PIWIL3: variants seen among roughly 807,000 people sequenced by gnomAD.
The protein encoded by PIWIL3 is piwi like RNA-mediated gene silencing 3.
Under a neutral mutation model 109.7 loss-of-function variants are expected in PIWIL3, and 101 were observed. The ratio of observed to expected loss-of-function variants is 0.92; its 90% confidence interval spans 0.78 to 1.09. The LOEUF (loss-of-function observed/expected upper bound fraction) is 1.09, where lower values mean the gene tolerates loss of function less well. Among genes scored for constraint, PIWIL3 ranks in the 50% least tolerant of loss-of-function variants. PIWIL3 has a pLI of 0.00. For missense variants in PIWIL3, 1,031 were observed against 1,072.6 expected (o/e 0.96, Z 0.54); for synonymous variants, 373 against 376.4 (o/e 0.99, Z 0.10).
At chr22:24,759,626 A>T (rs1183905585) in intron 3 of PIWIL3, among the ~76,000 whole-genome samples, 1 of 152,226 alleles carries the variant, frequency 6.6e-6, no homozygotes, top group Non-Finnish European at 1.5e-5. Context: ...TTTGAAAAGC[A>T]ATTATGTTGA....
At chr22:24,746,307 TGAA>T (rs1013911299) in intron 12 of PIWIL3, among the ~76,000 whole-genome samples, 49 of 152,334 alleles carry the variant, frequency 3.2e-4, no homozygotes, top group African/African-American at 9.4e-4. Context: ...ATCCACAGAA[TGAA>T]GGACAAACTC....
intron 5 of PIWIL3, 55 bp from the exon 6 acceptor site, chr22:24,755,960 A>C (rs1925008459): frequency 6.4e-7 from 1 of 1,565,254 alleles, no homozygotes; most frequent in Non-Finnish European, 8.7e-7. Flanking sequence ...AAAAAACTAA[A>C]CTTCATTGCA....
chr22:24,720,035 CCTAA>C, intron 19 of PIWIL3, 140 bp from the exon 20 acceptor site: 5 of 727,292 alleles, frequency 6.9e-6, no homozygotes, highest in Non-Finnish European at 1.1e-5. Flanking sequence ...CATTTAGAAA[CCTAA>C]CTGATAAACA....
intron 1 of PIWIL3, among the ~76,000 whole-genome samples, chr22:24,772,327 A>G (rs536443281): frequency 6.6e-6 from 1 of 152,362 alleles, no homozygotes; most frequent in Admixed American, 6.5e-5. Context: ...AGCTCATTAA[A>G]TAGCAACTTC....
intron 12 of PIWIL3, 109 bp downstream of exon 12, chr22:24,748,798 C>T: frequency 1.3e-6 from 1 of 794,814 alleles, no homozygotes; most frequent in Middle Eastern, 2.4e-4. Context: ...AATGAGCAGT[C>T]TGAAAAAAGA....
At chr22:24,769,864 A>G (rs1392750181) in intron 1 of PIWIL3, 1 of 152,118 alleles carries the variant, frequency 6.6e-6, no homozygotes, top group Non-Finnish European at 1.5e-5. Context: ...AAAAGAAAAA[A>G]AAATCCCCAA....
At chr22:24,734,263 T>C (rs1430959459) in intron 13 of PIWIL3, 107 bp from the exon 14 acceptor site, 2 of 1,439,546 alleles carry the variant, frequency 1.4e-6, no homozygotes, top group Non-Finnish European at 1.8e-6. Flanking sequence ...TACCAAGATA[T>C]GCATTTCAGT....
chr22:24,771,441 C>T (rs1406842045), intron 1 of PIWIL3, among the ~76,000 whole-genome samples: 2 of 149,276 alleles, frequency 1.3e-5, no homozygotes, highest in Admixed American at 1.3e-4. Context: ...CACACCACTG[C>T]ACTCCAGCCT....
At chr22:24,746,290 A>G (rs7284084) in intron 12 of PIWIL3, among the ~76,000 whole-genome samples, 11,711 of 152,288 alleles carry the variant, frequency 0.077, 613 homozygotes, top group Middle Eastern at 0.13. Context: ...GCAAATCAAC[A>G]TGATATATCC....
chr22:24,749,072 C>A, intron 11 of PIWIL3, 51 bp from the exon 12 acceptor site: 1 of 1,435,804 alleles, frequency 7.0e-7, no homozygotes, highest in South Asian at 1.2e-5. Context: ...GTAAAAGCAG[C>A]TAGCCATTTG....
At position 24,721,802 on chromosome 22, in the gene PIWIL3, C is replaced by G. The variant is rs186130189; in HGVS notation, c.2357+1328G>C. 1.4e-4 allele frequency among the ~76,000 whole-genome samples: 22 copies of G among 152,204 alleles called. No individual in the cohort carries two copies. In the East Asian group the frequency reaches 4.2e-3, roughly 29 times the overall value. On this transcript the variant is annotated intron_variant, in intron 19 of 20. Transcript: ENST00000616349. ...ACATTTTTATATAGAATGTCTCTAA[C>G]CATTTCATCTTCTGGAAGTTGTATC... is the stretch of plus-strand genomic sequence containing the variant.
Position 24,744,178 on chromosome 22 carries a change from T to TTAAAAAAAAAAAAAAAAAAAAA in PIWIL3, c.1449+4728_1449+4729insTTTTTTTTTTTTTTTTTTTTTA, listed in dbSNP as rs1924180538. On this transcript the variant is annotated intron_variant, in intron 12 of 20. Transcript: ENST00000616349. ...ACTCTAATTGAAAGAGTGACCGAAT[T>TTAAAAAAAAAAAAAAAAAAAAA]AAAAAAAAAAAAAAAAAAAAAAAAA... Among the ~76,000 whole-genome samples, 73 of 34,320 alleles carry TTAAAAAAAAAAAAAAAAAAAAA rather than the reference T, an allele frequency of 2.1e-3. 25 individuals are homozygous for TTAAAAAAAAAAAAAAAAAAAAA. The highest frequency in any genetic ancestry group is 3.1e-3 in the Non-Finnish European group (55 of 17,632). 22.5% of individuals were successfully genotyped at this position (34,320 alleles called of 152,430 possible). A position where few individuals can be genotyped will look rare whatever the true frequency, so the allele number is the denominator to read the frequency against.
chr22:24,766,697 A>G (rs1269883156), intron 1 of PIWIL3, among the ~76,000 whole-genome samples: 1 of 152,218 alleles, frequency 6.6e-6, no homozygotes, highest in African/African-American at 2.4e-5. Flanking sequence ...TGATGTACAC[A>G]TTGAATGCCT....
chr22:24,768,386 C>G (rs1925928281), intron 1 of PIWIL3, among the ~76,000 whole-genome samples: 1 of 151,968 alleles, frequency 6.6e-6, no homozygotes, highest in African/African-American at 2.4e-5. Context: ...TCCCAAGTAG[C>G]TGGGATTACA....
rs779264127 is a variant in PIWIL3 at position 24,748,955 on chromosome 22, G to C, written c.1401C>G (p.Val467=). 3 of 1,613,408 alleles carry C rather than the reference G, an allele frequency of 1.9e-6. No homozygotes were observed. Among genetic ancestry groups the C allele is most frequent in the African/African-American group, 2.7e-5 (2 of 74,874 alleles). ...TTGCGTTTTTCAAAACTCTTCCCGG[G>C]ACGGACAAAAAATTGGTATCAAATT... The part of the protein sequence containing the change: ...DLKFDTNFLS[V]PGRVLKNANI... Residue 467 remains valine (V), a synonymous_variant, in exon 12 of 21, where the codon GTC becomes GTG. Coordinates refer to ENST00000616349, the MANE Select transcript of PIWIL3 (RefSeq NM_001255975.1).
chr22:24,766,207 G>GATCA (rs1419889147), intron 1 of PIWIL3, among the ~76,000 whole-genome samples: 2 of 152,016 alleles, frequency 1.3e-5, no homozygotes, highest in Non-Finnish European at 2.9e-5. Context: ...GGCTGGTCTT[G>GATCA]AGCTCCTGAG....
chr22:24,762,323 C>G (rs1477751825), intron 2 of PIWIL3, 75 bp downstream of exon 2: 2 of 1,530,628 alleles, frequency 1.3e-6, no homozygotes, highest in African/African-American at 2.8e-5. Context: ...TAGCTTCGCT[C>G]AACAACCAAC....
At chr22:24,729,854 A>C (rs1320444343) in intron 14 of PIWIL3, among the ~76,000 whole-genome samples, 1 of 151,862 alleles carries the variant, frequency 6.6e-6, no homozygotes, top group Non-Finnish European at 1.5e-5. Flanking sequence ...AAATTTTCAA[A>C]TGACTGGCAT....
chr22:24,767,051 G>A (rs1475448127), intron 1 of PIWIL3, among the ~76,000 whole-genome samples: 1 of 151,990 alleles, frequency 6.6e-6, no homozygotes, highest in Non-Finnish European at 1.5e-5. Context: ...GAGGACAGGA[G>A]GATCGCTTGA....
Sources: allele counts gnomAD v4.1 joint callset (sites outside exome capture counted in the v4.1 genomes callset), GRCh38; gene constraint gnomAD v4.1.1; transcripts MANE v1.5; gene names NCBI Gene and HGNC (gene_info 2026-07-23, HGNC 2026-07-21).